Variants in CHD9 observed in about 807,000 individuals in gnomAD.
CHD9 encodes the protein ATP-dependent chromatin remodeler CHD9.
A neutral mutation model predicts 316.1 loss-of-function variants in CHD9; 77 were observed. The observed-to-expected ratio is 0.24, with a 90% CI of 0.20 to 0.29. The LOEUF (loss-of-function observed/expected upper bound fraction) is 0.29. Among genes scored for constraint, CHD9 ranks in the 10% least tolerant of loss-of-function variants. CHD9 has a pLI of 1.00. For missense variants in CHD9, 2,763 were observed against 3,438.1 expected, an observed-to-expected ratio of 0.80 and a Z score of 4.91; for synonymous variants, 1,129 against 1,158.3, an observed-to-expected ratio of 0.97 and a Z score of 0.51.
At chr16:53,276,905 T>C (rs568939926) in intron 24 of CHD9, among the ~76,000 whole-genome samples, 1 of 152,126 alleles carries the variant, frequency 6.6e-6, no homozygotes, top group East Asian at 1.9e-4. Context: ...TCAGCTCAAG[T>C]AGAAATAAAA....
chr16:53,296,870 A>G (rs1048027430), intron 29 of CHD9, 86 bp from the exon 30 acceptor site: 4 of 866,570 alleles, frequency 4.6e-6, no homozygotes, highest in Non-Finnish European at 7.2e-6. Flanking sequence ...GAAATGTTTT[A>G]AGTTTGTATT....
intron 1 of CHD9, among the ~76,000 whole-genome samples, chr16:53,122,900 T>G (rs1210538518): frequency 1.3e-5 from 2 of 149,580 alleles, no homozygotes; most frequent in Non-Finnish European, 3.0e-5. Flanking sequence ...GTATTTTTAG[T>G]AGATAACAGG....
At chr16:53,137,542 AGT>A (rs1174497808) in intron 1 of CHD9, among the ~76,000 whole-genome samples, 1 of 152,146 alleles carries the variant, frequency 6.6e-6, no homozygotes, top group Non-Finnish European at 1.5e-5. Flanking sequence ...TCCTTTTAGC[AGT>A]GTGTGAGAGC....
chr16:53,288,175 A>G (rs1003610567), intron 27 of CHD9, among the ~76,000 whole-genome samples, 161 bp downstream of exon 27: 1 of 152,236 alleles, frequency 6.6e-6, no homozygotes, highest in African/African-American at 2.4e-5. Context: ...AAACATCTCA[A>G]ATAATCACTC....
rs1466074341 is a variant in CHD9 at position 53,325,746 on chromosome 16, C to G, written c.*851C>G. On this transcript the variant is annotated 3_prime_UTR_variant, in exon 39 of 39. Coordinates refer to ENST00000447540, the MANE Select transcript of CHD9 (RefSeq NM_001308319.2). ...TAATCATGTCTCAGATGAGTAATGT[C>G]TGTTTCCAGGGTTCAGAAAAGGCAA... 1.3e-5 allele frequency: 2 copies of G among 152,156 alleles called. No individual in the cohort carries two copies. The highest frequency in any genetic ancestry group is 4.8e-5 in the African/African-American group (2 of 41,424). 9.4% of individuals were successfully genotyped at this position (152,156 alleles called of 1,614,324 possible).
At chr16:53,251,081 C>G (rs936639952) in intron 17 of CHD9, among the ~76,000 whole-genome samples, 3 of 152,154 alleles carry the variant, frequency 2.0e-5, no homozygotes, top group Non-Finnish European at 2.9e-5. Context: ...CCAGAGACCA[C>G]CAACTCTTTC....
At chr16:53,187,122 C>G (rs1305921795) in intron 2 of CHD9, among the ~76,000 whole-genome samples, 2 of 152,150 alleles carry the variant, frequency 1.3e-5, no homozygotes, top group African/African-American at 4.8e-5. Flanking sequence ...AAAATTAAAA[C>G]TAGAATTCAG....
intron 1 of CHD9, among the ~76,000 whole-genome samples, chr16:53,091,050 G>A (rs910567550): frequency 1.7e-4 from 26 of 150,002 alleles, no homozygotes; most frequent in South Asian, 1.5e-3. Context: ...CCTCTCCCCC[G>A]CCCTTGGGCT....
intron 2 of CHD9, among the ~76,000 whole-genome samples, chr16:53,170,751 G>C (rs2042649902): frequency 6.6e-6 from 1 of 151,970 alleles, no homozygotes; most frequent in South Asian, 2.1e-4. Flanking sequence ...ATTGAGCGAA[G>C]GGATTTGTGT....
chr16:53,146,567 G>A (rs1020477452), intron 1 of CHD9, among the ~76,000 whole-genome samples: 13 of 150,226 alleles, frequency 8.7e-5, no homozygotes, highest in Non-Finnish European at 1.6e-4. Flanking sequence ...TGAGGCCGAG[G>A]CGGGTGGATC....
chr16:53,063,434 T>C lies in CHD9; in HGVS notation c.-165+8357T>C, dbSNP rs1057068030. On this transcript the variant is annotated intron_variant, in intron 1 of 38. Coordinates refer to ENST00000447540, the MANE Select transcript of CHD9 (RefSeq NM_001308319.2). The stretch of plus-strand genomic sequence containing the variant: ...GAAGGTGATATTTGAATAACTGAAG[T>C]TAGGGGAAAACTGCCCTAAAAGGTT... 3.1e-4 allele frequency among the ~76,000 whole-genome samples: 47 copies of C among 150,650 alleles called. 1 individual carries two copies. The highest frequency in any genetic ancestry group is 1.1e-3 in the African/African-American group (44 of 40,986).
intron 1 of CHD9, among the ~76,000 whole-genome samples, chr16:53,100,554 G>A (rs904450896): frequency 1.3e-5 from 2 of 150,872 alleles, no homozygotes; most frequent in East Asian, 3.9e-4. Flanking sequence ...GGACTCCTGA[G>A]CTCAAGTGAT....
At chr16:53,081,628 C>T (rs530058218) in intron 1 of CHD9, among the ~76,000 whole-genome samples, 2 of 152,280 alleles carry the variant, frequency 1.3e-5, no homozygotes, top group Non-Finnish European at 2.9e-5. Context: ...TGCCCTGTTG[C>T]CCAGGCTAGA....
At position 53,289,977 on chromosome 16, in the gene CHD9, G is replaced by A. The variant is rs531407947; in HGVS notation, c.5248-1748G>A. Among the ~76,000 whole-genome samples the A allele has an allele frequency of 7.9e-5, 12 of 152,262 alleles. No homozygotes were observed. The South Asian group carries it at 2.5e-3, about 32-fold the overall frequency. On this transcript the variant is annotated intron_variant, in intron 27 of 38. Transcript: ENST00000447540. Reference sequence around the variant, plus strand: ...AAAGCTGCTGACCAAGAGTGCTAAAGAAACTGCTCAAATTGACCAGGCACA... The same window carrying A: ...AAAGCTGCTGACCAAGAGTGCTAAAAAAACTGCTCAAATTGACCAGGCACA...
chr16:53,254,391 A>T (rs776790679), intron 17 of CHD9, 47 bp from the exon 18 acceptor site: 60 of 1,411,894 alleles, frequency 4.2e-5, no homozygotes, highest in Non-Finnish European at 5.7e-5. Context: ...TTACTATTAA[A>T]TGCCTTTTGA....
intron 2 of CHD9, among the ~76,000 whole-genome samples, chr16:53,204,887 A>T (rs1358303906): frequency 3.3e-5 from 5 of 151,618 alleles, no homozygotes; most frequent in African/African-American, 1.2e-4. Flanking sequence ...TCTGTTGCCC[A>T]GGCTAGAGTA....
At chr16:53,265,778 C>T (rs1354937744) in intron 20 of CHD9, among the ~76,000 whole-genome samples, 1 of 152,028 alleles carries the variant, frequency 6.6e-6, no homozygotes, top group East Asian at 1.9e-4. Flanking sequence ...GCATATTTAA[C>T]TATACAAGAC....
intron 29 of CHD9, among the ~76,000 whole-genome samples, chr16:53,293,970 A>C (rs1408688902): frequency 1.3e-5 from 2 of 152,118 alleles, no homozygotes; most frequent in African/African-American, 4.8e-5. Flanking sequence ...AAGAATTATC[A>C]GTAGAACAAA....
intron 1 of CHD9, among the ~76,000 whole-genome samples, chr16:53,117,970 C>T (rs1428179994): frequency 6.6e-6 from 1 of 151,878 alleles, no homozygotes; most frequent in African/African-American, 2.4e-5. Context: ...GGACTACAGG[C>T]ACCCGCCACC....
Sources: allele counts gnomAD v4.1 joint callset (sites outside exome capture counted in the v4.1 genomes callset), GRCh38; gene constraint gnomAD v4.1.1; transcripts MANE v1.5; gene names NCBI Gene and HGNC (gene_info 2026-07-23, HGNC 2026-07-21).